CNTN5: variants seen among roughly 807,000 people sequenced by gnomAD.
CNTN5 encodes contactin-5.
A neutral mutation model predicts 129.1 loss-of-function variants in CNTN5; 77 were observed. The observed-to-expected ratio is 0.60, with a 90% CI of 0.50 to 0.72. The LOEUF is 0.72. Among genes scored for constraint, CNTN5 ranks in the 30% least tolerant of loss-of-function variants. The probability of loss-of-function intolerance (pLI) is 0.00; values close to 1 mark genes in which losing one functional copy is unlikely to be tolerated. For missense variants in CNTN5, 1,478 were observed against 1,328.8 expected (o/e 1.11, Z -1.75); for synonymous variants, 509 against 465.6 (o/e 1.09, Z -1.20).
chr11:99,226,545 A>G (rs905651419), intron 1 of CNTN5, among the ~76,000 whole-genome samples: 4 of 152,056 alleles, frequency 2.6e-5, no homozygotes, highest in African/African-American at 9.7e-5. Context: ...CTCCCTACCA[A>G]CTGTACCTCG....
chr11:99,887,797 T>C (rs537667619), intron 6 of CNTN5, among the ~76,000 whole-genome samples: 1 of 152,312 alleles, frequency 6.6e-6, no homozygotes, highest in South Asian at 2.1e-4. Context: ...ACTAAGCAAG[T>C]GTAGTTCTTC....
At chr11:100,116,467 C>T (rs2138142053) in intron 13 of CNTN5, among the ~76,000 whole-genome samples, 1 of 150,514 alleles carries the variant, frequency 6.6e-6, no homozygotes, top group African/African-American at 2.4e-5. Flanking sequence ...ATAGTATATT[C>T]AGGTATCACT....
At chr11:99,793,354 C>A (rs1006797469) in intron 3 of CNTN5, among the ~76,000 whole-genome samples, 2 of 152,072 alleles carry the variant, frequency 1.3e-5, no homozygotes, top group African/African-American at 2.4e-5. Context: ...CCACTGTGCC[C>A]GGCTCTATCT....
intron 3 of CNTN5, among the ~76,000 whole-genome samples, chr11:99,738,108 G>A (rs576858030): frequency 2.0e-5 from 3 of 152,274 alleles, no homozygotes; most frequent in African/African-American, 7.2e-5. Flanking sequence ...CTTAAGGACT[G>A]AATTATGCCT....
intron 1 of CNTN5, among the ~76,000 whole-genome samples, chr11:99,283,957 T>C (rs985274083): frequency 1.3e-5 from 2 of 152,172 alleles, no homozygotes; most frequent in Admixed American, 6.6e-5. Context: ...TTTGGACATA[T>C]GTATTAAAAA....
intron 2 of CNTN5, among the ~76,000 whole-genome samples, chr11:99,470,507 A>C (rs549216606): frequency 6.6e-6 from 1 of 152,134 alleles, no homozygotes; most frequent in East Asian, 1.9e-4. Flanking sequence ...AATTTAGTTC[A>C]TTTTCTTCCC....
chr11:100,116,475 A>T (rs1421384516), intron 13 of CNTN5, among the ~76,000 whole-genome samples: 1 of 151,806 alleles, frequency 6.6e-6, no homozygotes, highest in Non-Finnish European at 1.5e-5. Flanking sequence ...TTCAGGTATC[A>T]CTGATTACTG....
chr11:99,264,127 A>G (rs536844823), intron 1 of CNTN5, among the ~76,000 whole-genome samples: 13 of 152,008 alleles, frequency 8.6e-5, no homozygotes, highest in Non-Finnish European at 1.5e-4. Context: ...ACAAAATAGC[A>G]TAACTCATGC....
chr11:99,868,492 AG>A (rs1359012356), intron 6 of CNTN5, among the ~76,000 whole-genome samples: 1 of 152,230 alleles, frequency 6.6e-6, no homozygotes, highest in Admixed American at 6.5e-5. Flanking sequence ...GGTAACAAGT[AG>A]GAAAATGAGA....
chr11:99,382,245 G>T (rs1940610978), intron 2 of CNTN5, among the ~76,000 whole-genome samples: 1 of 152,116 alleles, frequency 6.6e-6, no homozygotes, highest in African/African-American at 2.4e-5. Context: ...AGGAAGCATA[G>T]ATACAAACAC....
At chr11:99,836,450 T>C (rs902126202) in intron 4 of CNTN5, among the ~76,000 whole-genome samples, 2 of 152,110 alleles carry the variant, frequency 1.3e-5, no homozygotes, top group Non-Finnish European at 2.9e-5. Flanking sequence ...GCTTCATCCA[T>C]GTCCCTACAA....
intron 16 of CNTN5, among the ~76,000 whole-genome samples, chr11:100,229,927 A>G (rs1372387679): frequency 6.6e-6 from 1 of 152,160 alleles, no homozygotes. Context: ...ATAAGCCTTC[A>G]CATGGTTGAG....
intron 6 of CNTN5, among the ~76,000 whole-genome samples, chr11:99,904,935 G>A (rs1209747503): frequency 1.3e-5 from 2 of 152,182 alleles, no homozygotes; most frequent in Non-Finnish European, 1.5e-5. Flanking sequence ...CTGCATAAAT[G>A]TCTTCTTTTG....
chr11:99,747,460 C>CTTTTTTTTTT (rs55790126), intron 3 of CNTN5, among the ~76,000 whole-genome samples: 4 of 85,758 alleles, frequency 4.7e-5, no homozygotes, highest in East Asian at 3.7e-4. Flanking sequence ...AGTCAGCATC[C>CTTTTTTTTTT]TTTTTTTTTT....
At chr11:99,281,662 C>T (rs887319526) in intron 1 of CNTN5, among the ~76,000 whole-genome samples, 1 of 151,914 alleles carries the variant, frequency 6.6e-6, no homozygotes, top group African/African-American at 2.4e-5. Flanking sequence ...AGTAGTTTCC[C>T]TCTTCTTTTG....
intron 1 of CNTN5, among the ~76,000 whole-genome samples, chr11:99,064,657 C>T (rs1258290939): frequency 6.6e-6 from 1 of 151,980 alleles, no homozygotes; most frequent in Non-Finnish European, 1.5e-5. Flanking sequence ...AACTTGAACC[C>T]AAATGTTTCA....
At chr11:100,000,655 G>A (rs1219032937) in intron 8 of CNTN5, among the ~76,000 whole-genome samples, 2 of 152,172 alleles carry the variant, frequency 1.3e-5, no homozygotes, top group South Asian at 2.1e-4. Context: ...ACTGTGTGGA[G>A]GCTCCAACCC....
intron 2 of CNTN5, among the ~76,000 whole-genome samples, chr11:99,435,479 C>T (rs1943562370): frequency 6.6e-6 from 1 of 152,130 alleles, no homozygotes; most frequent in African/African-American, 2.4e-5. Context: ...GAAACTCACA[C>T]CTACTCCCTC....
At chr11:100,248,710 G>A (rs1359560868) in intron 16 of CNTN5, among the ~76,000 whole-genome samples, 11 of 152,170 alleles carry the variant, frequency 7.2e-5, no homozygotes, top group African/African-American at 1.9e-4. Context: ...TTATCTATGT[G>A]AGAAAAAGCC....
Sources: gnomAD v4.1 joint callset for allele counts (sites outside exome capture counted in the v4.1 genomes callset) on GRCh38, gnomAD v4.1.1 for gene constraint, MANE v1.5 for transcripts, NCBI Gene and HGNC (gene_info 2026-07-23, HGNC 2026-07-21) for gene names.